AFAP1: variants seen among roughly 807,000 people sequenced by gnomAD.
AFAP1 encodes actin filament-associated protein 1.
A neutral mutation model predicts 93.9 loss-of-function variants in AFAP1; 75 were observed. The ratio of observed to expected loss-of-function variants is 0.80; its 90% CI spans 0.66 to 0.97. The LOEUF (loss-of-function observed/expected upper bound fraction) is 0.97. Ranked by LOEUF, AFAP1 falls within the 50% of genes least tolerant of loss-of-function variation. AFAP1 has a pLI of 0.00. For synonymous variants in AFAP1, 517 were observed against 430.7 expected (o/e 1.20, Z -2.48); for missense variants, 1,201 against 1,050.8 (o/e 1.14, Z -1.98).
chr4:7,933,260 T>A (rs1198775051), intron 1 of AFAP1, among the ~76,000 whole-genome samples: 4 of 151,440 alleles, frequency 2.6e-5, no homozygotes, highest in Non-Finnish European at 4.4e-5. Flanking sequence ...GGAGGTCCAA[T>A]CTAATCCCAT....
At chr4:7,784,728 G>A (rs1239256728) in intron 12 of AFAP1, among the ~76,000 whole-genome samples, 1 of 152,054 alleles carries the variant, frequency 6.6e-6, no homozygotes, top group Admixed American at 6.5e-5. Context: ...TGAGGGATGG[G>A]CCACCCACTT....
chr4:7,797,828 A>G (rs1030853638), intron 10 of AFAP1, among the ~76,000 whole-genome samples: 5 of 152,176 alleles, frequency 3.3e-5, no homozygotes, highest in African/African-American at 1.2e-4. Context: ...AAAGCACAAC[A>G]TACCTGCAAA....
intron 15 of AFAP1, chr4:7,773,920 C>G (rs1214272828): frequency 1.3e-5 from 2 of 152,446 alleles, no homozygotes; most frequent in Admixed American, 6.5e-5. Flanking sequence ...TGCGTCAGCT[C>G]CTCCCCGCGC....
intron 1 of AFAP1, among the ~76,000 whole-genome samples, chr4:7,919,836 C>A (rs1202286111): frequency 6.6e-6 from 1 of 151,998 alleles, no homozygotes; most frequent in Non-Finnish European, 1.5e-5. Flanking sequence ...TGTTGTTCCC[C>A]TCCCTGTGTC....
intron 1 of AFAP1, among the ~76,000 whole-genome samples, chr4:7,888,319 T>C (rs953352093): frequency 6.6e-6 from 1 of 152,214 alleles, no homozygotes; most frequent in Admixed American, 6.5e-5. Context: ...TCCTCACCCC[T>C]TCTGTTATAA....
chr4:7,816,222 A>G, intron 7 of AFAP1, 123 bp from the exon 8 acceptor site: 1 of 760,536 alleles, frequency 1.3e-6, no homozygotes, highest in Non-Finnish European at 2.1e-6. Flanking sequence ...ATAGCAATCC[A>G]GAAGTGGTTA....
intron 11 of AFAP1, among the ~76,000 whole-genome samples, chr4:7,787,048 T>C (rs1313711249): frequency 2.6e-5 from 4 of 152,298 alleles, no homozygotes; most frequent in East Asian, 1.9e-4. Flanking sequence ...GTAATAAATA[T>C]GTATTTTGGT....
At chr4:7,875,655 G>T (rs1245940067) in intron 1 of AFAP1, among the ~76,000 whole-genome samples, 2 of 148,738 alleles carry the variant, frequency 1.3e-5, no homozygotes, top group Admixed American at 6.7e-5. Flanking sequence ...GGGACGGGGG[G>T]CTGATAGCAT....
At chr4:7,783,129 T>C (rs1465692271) in intron 12 of AFAP1, among the ~76,000 whole-genome samples, 3 of 152,176 alleles carry the variant, frequency 2.0e-5, no homozygotes, top group Admixed American at 6.5e-5. Flanking sequence ...TGCCAGATAT[T>C]AGGTCATAAA....
rs577616485 is a variant in AFAP1, at chr4:7,815,331, G to A, written c.904+687C>T. On this transcript the variant is annotated intron_variant, in intron 8 of 17. Coordinates refer to ENST00000420658, the MANE Select transcript of AFAP1 (RefSeq NM_001134647.2). ...TAAAAGAGTTCTGGAGACTGATGGC[G>A]GTGATGACAGTACAATATAAATGTA... Among the ~76,000 whole-genome samples, 15 of 152,280 alleles carry A rather than the reference G, an allele frequency of 9.9e-5. No individual in the cohort carries two copies. In the South Asian group the frequency reaches 1.2e-3, roughly 13 times the overall value.
chr4:7,809,689 T>G lies in AFAP1; in HGVS notation c.979A>C (p.Ile327Leu). ...SKVTGKKITK[I>L]ISLGKKKPST... is the part of the protein sequence containing the mutation. ...GGCTTTTTCTTTCCCAGACTGATGA[T>G]CTTGGTGATTTTTTTCCCAGTGACT... The change falls in exon 9 of 18, where the codon ATC becomes CTC. Residue 327 changes from isoleucine to leucine, a missense_variant. Physicochemically the swap from Ile to Leu is conservative, Grantham distance 5. Transcript: ENST00000420658. 6.2e-7 allele frequency: 1 copy of G among 1,614,180 alleles called. No homozygotes were observed. Among genetic ancestry groups the G allele is most frequent in the Non-Finnish European group, 8.5e-7 (1 of 1,180,022 alleles).
At chr4:7,920,775 T>C (rs1317111) in intron 1 of AFAP1, among the ~76,000 whole-genome samples, 87,057 of 152,030 alleles carry the variant, frequency 0.57, 27,744 homozygotes, top group East Asian at 0.83. Context: ...TCGATATGTT[T>C]GAGACTAAAA....
At chr4:7,889,441 G>A (rs576514474) in intron 1 of AFAP1, among the ~76,000 whole-genome samples, 11 of 151,010 alleles carry the variant, frequency 7.3e-5, no homozygotes, top group Middle Eastern at 3.4e-3. Flanking sequence ...CCAGCTACTC[G>A]GGAGAGGAGG....
rs554033623 is a variant in AFAP1, at chr4:7,915,370, T to C, written c.-3+24286A>G. Among the ~76,000 whole-genome samples the C allele has an allele frequency of 9.6e-5, 14 of 145,212 alleles. No individual in the cohort carries two copies. The South Asian group carries it at 3.2e-3, about 33-fold the overall frequency. On this transcript the variant is annotated intron_variant, in intron 1 of 17. Coordinates refer to ENST00000420658, the MANE Select transcript of AFAP1 (RefSeq NM_001134647.2). ...ACATCTTCTTTCAAGAAACGTCTGT[T>C]CGGTTGGGTGTGGTGACTCCAACCT...
intron 1 of AFAP1, among the ~76,000 whole-genome samples, chr4:7,906,237 G>A (rs1441057958): frequency 2.0e-5 from 3 of 152,174 alleles, no homozygotes; most frequent in Non-Finnish European, 2.9e-5. Flanking sequence ...TGACCTCGCT[G>A]AAGGCTCTTA....
At chr4:7,897,535 G>T (rs1456046809) in intron 1 of AFAP1, among the ~76,000 whole-genome samples, 15 of 151,636 alleles carry the variant, frequency 9.9e-5, no homozygotes, top group African/African-American at 3.1e-4. Context: ...TGTTTTTGTG[G>T]TTTTTTTGAC....
intron 4 of AFAP1, among the ~76,000 whole-genome samples, chr4:7,854,262 A>G (rs1473090950): frequency 6.6e-6 from 1 of 152,180 alleles, no homozygotes; most frequent in Non-Finnish European, 1.5e-5. Flanking sequence ...ATCCATGACC[A>G]CCTTATCAGA....
chr4:7,840,993 G>A (rs935162055), intron 5 of AFAP1, among the ~76,000 whole-genome samples: 1 of 152,160 alleles, frequency 6.6e-6, no homozygotes, highest in African/African-American at 2.4e-5. Flanking sequence ...ATTTCAGAAA[G>A]GGAACTTTAT....
At chr4:7,854,800 C>T (rs28728216) in intron 4 of AFAP1, among the ~76,000 whole-genome samples, 119,660 of 151,980 alleles carry the variant, frequency 0.79, 47,431 homozygotes, top group East Asian at 0.94. Flanking sequence ...GGTAGCCCCC[C>T]GCCTGACAGA....
Sources: gnomAD v4.1 joint callset for allele counts (sites outside exome capture counted in the v4.1 genomes callset) on GRCh38, gnomAD v4.1.1 for gene constraint, MANE v1.5 for transcripts, NCBI Gene and HGNC (gene_info 2026-07-23, HGNC 2026-07-21) for gene names.